The following DNAAF11 variants were observed in gnomAD, a reference collection of about 807,000 sequenced individuals.
The protein encoded by DNAAF11 is leucine rich repeat containing 6.
Under a neutral mutation model 60.8 loss-of-function variants are expected in DNAAF11, and 45 were observed. The ratio of observed to expected loss-of-function variants is 0.74; its 90% CI spans 0.58 to 0.95. The LOEUF (loss-of-function observed/expected upper bound fraction) is 0.95, where lower values mean the gene tolerates loss of function less well. Among genes scored for constraint, DNAAF11 ranks in the 40% least tolerant of loss-of-function variants. DNAAF11 has a pLI of 0.00. For synonymous variants in DNAAF11, 191 were observed against 183.5 expected, an observed-to-expected ratio of 1.04 and a Z score of -0.33; for missense variants, 546 against 546.2, an observed-to-expected ratio of 1.00 and a Z score of 0.00.
chr8:132,632,702 C>T, intron 5 of DNAAF11, 38 bp downstream of exon 5: 1 of 1,463,804 alleles, frequency 6.8e-7, no homozygotes, highest in Admixed American at 1.7e-5. Flanking sequence ...CTGCTTTTAA[C>T]AAAAGTTAAC....
chr8:132,575,678 G>A (rs1033368246), intron 11 of DNAAF11, among the ~76,000 whole-genome samples: 30 of 152,154 alleles, frequency 2.0e-4, no homozygotes, highest in African/African-American at 7.0e-4. Context: ...GGCACTGGGC[G>A]CGGGGTGGGG....
At chr8:132,607,832 CAT>C (rs1332508227) in intron 10 of DNAAF11, among the ~76,000 whole-genome samples, 1 of 152,018 alleles carries the variant, frequency 6.6e-6, no homozygotes, top group African/African-American at 2.4e-5. Context: ...CACACACACA[CAT>C]ATATCACAGT....
intron 7 of DNAAF11, among the ~76,000 whole-genome samples, chr8:132,619,634 A>G (rs1224809480): frequency 6.6e-6 from 1 of 152,238 alleles, no homozygotes; most frequent in Non-Finnish European, 1.5e-5. Context: ...CTGGAGACCA[A>G]GTGCAGACAA....
At chr8:132,664,792 G>A (rs149447647) in intron 1 of DNAAF11, among the ~76,000 whole-genome samples, 42 of 152,146 alleles carry the variant, frequency 2.8e-4, no homozygotes, top group Admixed American at 5.2e-4. Context: ...AAGGTATTAC[G>A]TGTGTAAAAC....
intron 11 of DNAAF11, among the ~76,000 whole-genome samples, chr8:132,576,591 G>C (rs77709138): frequency 0.015 from 2,334 of 152,238 alleles, 17 homozygotes; most frequent in Non-Finnish European, 0.027. Flanking sequence ...TCCCTAATCT[G>C]AAGTTCCAAA....
intron 3 of DNAAF11, among the ~76,000 whole-genome samples, chr8:132,648,421 C>G (rs983577623): frequency 6.6e-6 from 1 of 152,140 alleles, no homozygotes; most frequent in Non-Finnish European, 1.5e-5. Context: ...TGGGCAAAAA[C>G]TGGAAGCATT....
intron 10 of DNAAF11, among the ~76,000 whole-genome samples, chr8:132,600,562 G>A (rs1447601911): frequency 6.6e-6 from 1 of 152,116 alleles, no homozygotes; most frequent in South Asian, 2.1e-4. Flanking sequence ...CATGGTGCTG[G>A]TACCAAAACA....
At chr8:132,646,705 T>C (rs1287612889) in intron 3 of DNAAF11, among the ~76,000 whole-genome samples, 1 of 152,118 alleles carries the variant, frequency 6.6e-6, no homozygotes, top group South Asian at 2.1e-4. Context: ...TAGTCTCTGA[T>C]AAAACAGACT....
At chr8:132,632,350 C>G (rs1820881964) in intron 5 of DNAAF11, among the ~76,000 whole-genome samples, 3 of 152,062 alleles carry the variant, frequency 2.0e-5, no homozygotes, top group Admixed American at 2.0e-4. Flanking sequence ...TATTCCAATT[C>G]AGAAAATAGA....
At chr8:132,583,578 A>C in intron 11 of DNAAF11, 116 bp downstream of exon 11, 1 of 768,628 alleles carries the variant, frequency 1.3e-6, no homozygotes, top group Non-Finnish European at 2.2e-6. Context: ...CATTCATGGT[A>C]TGAATCATCT....
intron 11 of DNAAF11, among the ~76,000 whole-genome samples, chr8:132,575,498 T>C (rs914284522): frequency 2.0e-5 from 3 of 152,192 alleles, no homozygotes; most frequent in Non-Finnish European, 2.9e-5. Context: ...ACATGGTGTA[T>C]GCCCACAATC....
chr8:132,572,567 G>T, intron 11 of DNAAF11, 87 bp from the exon 12 acceptor site: 3 of 924,458 alleles, frequency 3.2e-6, no homozygotes, highest in Non-Finnish European at 4.9e-6. Flanking sequence ...CATTTATTCA[G>T]CAAACGTTGG....
At chr8:132,622,172 T>C (rs1819828771) in intron 7 of DNAAF11, among the ~76,000 whole-genome samples, 1 of 152,224 alleles carries the variant, frequency 6.6e-6, no homozygotes. Flanking sequence ...GAGGGTATTA[T>C]ATTGATTTCC....
At chr8:132,593,332 C>CATATATATATATATAT (rs60462067) in intron 10 of DNAAF11, among the ~76,000 whole-genome samples, 1,270 of 108,418 alleles carry the variant, frequency 0.012, 15 homozygotes, top group East Asian at 0.037. Flanking sequence ...TATATACATA[C>CATATATATATATATAT]ATATATATAT....
At chr8:132,627,976 C>A (rs900451825) in intron 5 of DNAAF11, among the ~76,000 whole-genome samples, 2 of 152,182 alleles carry the variant, frequency 1.3e-5, no homozygotes, top group African/African-American at 4.8e-5. Context: ...AATATACTTC[C>A]TGGCTCCTTT....
rs554240567 is a variant in DNAAF11 at position 132,575,645 on chromosome 8, T to C, written c.1227-3165A>G. Among the ~76,000 whole-genome samples the C allele has an allele frequency of 1.8e-4, 27 of 152,224 alleles. 1 individual carries two copies. The highest frequency in any genetic ancestry group is 6.5e-4 in the African/African-American group (27 of 41,562). Reference sequence around the variant, plus strand: ...CCGGAAAGAATTACGGTAGGAATCATAGAGTAAGGGAACTTGGCATCTGGC... The same window carrying C: ...CCGGAAAGAATTACGGTAGGAATCACAGAGTAAGGGAACTTGGCATCTGGC... On this transcript the variant is annotated intron_variant, in intron 11 of 11. Coordinates refer to ENST00000620350, the MANE Select transcript of DNAAF11 (RefSeq NM_012472.6).
In DNAAF11 at chr8:132,571,722, T is replaced by C. The variant is rs1306489608; in HGVS notation, c.*584A>G. Among the ~76,000 whole-genome samples the C allele has an allele frequency of 1.3e-5, 2 of 152,174 alleles. No homozygotes were observed. The highest frequency in any genetic ancestry group is 4.8e-5 in the African/African-American group (2 of 41,438). On this transcript the variant is annotated 3_prime_UTR_variant, in exon 12 of 12. Transcript: ENST00000620350. ...AGTGTTATTATTCCCAGATTATACA[T>C]GAAGCCACTAAGGCTCAGAGAATTA...
chr8:132,609,425 T>G (rs1818434745), intron 10 of DNAAF11, among the ~76,000 whole-genome samples: 1 of 152,092 alleles, frequency 6.6e-6, no homozygotes, highest in Admixed American at 6.5e-5. Context: ...CCTGGTTGGT[T>G]GAATCCATGG....
intron 7 of DNAAF11, among the ~76,000 whole-genome samples, chr8:132,616,260 G>A (rs575232757): frequency 1.3e-5 from 2 of 152,212 alleles, no homozygotes; most frequent in East Asian, 1.9e-4. Context: ...AGGGACAGTC[G>A]TTGTATGGCA....
Sources: gnomAD v4.1 joint callset for allele counts (sites outside exome capture counted in the v4.1 genomes callset) on GRCh38, gnomAD v4.1.1 for gene constraint, MANE v1.5 for transcripts, NCBI Gene and HGNC (gene_info 2026-07-23, HGNC 2026-07-21) for gene names.